Variants in PTPRM observed in about 807,000 individuals in gnomAD.
The protein encoded by PTPRM is protein tyrosine phosphatase receptor type M.
Under a neutral mutation model 186.7 loss-of-function variants are expected in PTPRM, and 47 were observed. The ratio of observed to expected loss-of-function variants is 0.25; its 90% confidence interval spans 0.20 to 0.32. The LOEUF (loss-of-function observed/expected upper bound fraction) is 0.32, where lower values mean the gene tolerates loss of function less well. Ranked by LOEUF, PTPRM falls within the 10% of genes least tolerant of loss-of-function variation. The pLI is 1.00. For synonymous variants in PTPRM, 668 were observed against 674.9 expected (o/e 0.99, Z 0.16); for missense variants, 1,494 against 1,865.0 (o/e 0.80, Z 3.66).
At chr18:8,211,057 G>A (rs976295908) in intron 14 of PTPRM, among the ~76,000 whole-genome samples, 1 of 152,206 alleles carries the variant, frequency 6.6e-6, no homozygotes, top group Non-Finnish European at 1.5e-5. Flanking sequence ...CATCGATTCA[G>A]ATAGGATCAA....
chr18:7,934,936 GTTGTTT>G (rs904607687), intron 5 of PTPRM, among the ~76,000 whole-genome samples: 1 of 152,126 alleles, frequency 6.6e-6, no homozygotes, highest in Non-Finnish European at 1.5e-5. Context: ...TACAATTAAA[GTTGTTT>G]TTGTATGTAT....
At chr18:8,301,175 G>A (rs2095153279) in intron 20 of PTPRM, among the ~76,000 whole-genome samples, 1 of 152,178 alleles carries the variant, frequency 6.6e-6, no homozygotes, top group African/African-American at 2.4e-5. Flanking sequence ...CAGAAGTGGT[G>A]TAATGATCAC....
chr18:8,026,856 T>C (rs2085603031), intron 7 of PTPRM, among the ~76,000 whole-genome samples: 1 of 150,294 alleles, frequency 6.7e-6, no homozygotes, highest in Admixed American at 6.6e-5. Flanking sequence ...AAACTCCATC[T>C]CAAAAAAAAA....
chr18:8,130,302 G>A (rs2092471487), intron 13 of PTPRM, among the ~76,000 whole-genome samples: 1 of 152,152 alleles, frequency 6.6e-6, no homozygotes, highest in Non-Finnish European at 1.5e-5. Flanking sequence ...ACTGTTGAGT[G>A]AGAGCCGTTG....
At chr18:7,631,369 C>A (rs536099583) in intron 1 of PTPRM, among the ~76,000 whole-genome samples, 18 of 151,808 alleles carry the variant, frequency 1.2e-4, no homozygotes, top group Admixed American at 7.9e-4. Flanking sequence ...TAGTGATTCT[C>A]AGTGTTGATA....
chr18:7,737,213 C>T (rs939658945), intron 1 of PTPRM, among the ~76,000 whole-genome samples: 14 of 151,890 alleles, frequency 9.2e-5, no homozygotes, highest in African/African-American at 2.4e-4. Flanking sequence ...CTGCAACCTC[C>T]GCCTCCCAAG....
intron 9 of PTPRM, among the ~76,000 whole-genome samples, chr18:8,077,925 A>G (rs2089916800): frequency 6.6e-6 from 1 of 152,196 alleles, no homozygotes. Flanking sequence ...AATAATTCAA[A>G]GGAAAAACCC....
At chr18:7,748,123 G>A (rs960651471) in intron 1 of PTPRM, among the ~76,000 whole-genome samples, 3 of 152,182 alleles carry the variant, frequency 2.0e-5, no homozygotes, top group African/African-American at 7.2e-5. Context: ...GGTGTGGCCA[G>A]GTGTGGGCTG....
At chr18:8,295,208 A>C (rs1334321948) in intron 19 of PTPRM, among the ~76,000 whole-genome samples, 3 of 152,180 alleles carry the variant, frequency 2.0e-5, no homozygotes, top group Non-Finnish European at 4.4e-5. Context: ...GGCGTCTGCG[A>C]GCAGTGTCTC....
At chr18:8,395,265 T>A (rs181838210) in intron 32 of PTPRM, among the ~76,000 whole-genome samples, 107 of 152,170 alleles carry the variant, frequency 7.0e-4, no homozygotes, top group Middle Eastern at 6.8e-3. Flanking sequence ...ACAGCAGGAC[T>A]AATCCAAGGT....
At chr18:7,869,335 G>A (rs555088734) in intron 2 of PTPRM, among the ~76,000 whole-genome samples, 11 of 152,132 alleles carry the variant, frequency 7.2e-5, no homozygotes, top group African/African-American at 1.9e-4. Context: ...CACAGGCACC[G>A]GGGGGAATCT....
At chr18:8,375,021 G>A (rs2095686245) in intron 24 of PTPRM, among the ~76,000 whole-genome samples, 1 of 152,208 alleles carries the variant, frequency 6.6e-6, no homozygotes, top group Non-Finnish European at 1.5e-5. Flanking sequence ...GATCCTAGAT[G>A]TACATCCAGC....
At chr18:7,960,570 G>A (rs1165169507) in intron 7 of PTPRM, among the ~76,000 whole-genome samples, 7 of 151,096 alleles carry the variant, frequency 4.6e-5, no homozygotes, top group Non-Finnish European at 1.0e-4. Context: ...GGGAAACATA[G>A]CAAGACTCCA....
chr18:8,038,200 T>A (rs2086459021), intron 7 of PTPRM, among the ~76,000 whole-genome samples: 1 of 152,130 alleles, frequency 6.6e-6, no homozygotes. Context: ...TCTTCAGATT[T>A]ACCCCTGAAA....
chr18:7,720,378 C>G (rs2040424013), intron 1 of PTPRM, among the ~76,000 whole-genome samples: 1 of 151,988 alleles, frequency 6.6e-6, no homozygotes, highest in Non-Finnish European at 1.5e-5. Flanking sequence ...GAAAAAAAAT[C>G]AGGACATAGA....
At chr18:8,235,520 C>T (rs1338853750) in intron 14 of PTPRM, among the ~76,000 whole-genome samples, 1 of 137,040 alleles carries the variant, frequency 7.3e-6, no homozygotes, top group African/African-American at 2.7e-5. Context: ...ATCTTTTCAA[C>T]CAGTTTTTAG....
At chr18:7,617,182 C>T (rs189831912) in intron 1 of PTPRM, among the ~76,000 whole-genome samples, 9 of 152,088 alleles carry the variant, frequency 5.9e-5, no homozygotes, top group South Asian at 2.1e-4. Context: ...GTGGAAGTGC[C>T]GAGATCATTA....
chr18:7,590,933 A>AATAG (rs2037109865), intron 1 of PTPRM, among the ~76,000 whole-genome samples: 1 of 152,194 alleles, frequency 6.6e-6, no homozygotes, highest in Non-Finnish European at 1.5e-5. Context: ...AGTTACTTAA[A>AATAG]ATAGCTATTA....
intron 20 of PTPRM, among the ~76,000 whole-genome samples, chr18:8,308,256 G>T (rs892690810): frequency 6.6e-6 from 1 of 152,206 alleles, no homozygotes; most frequent in Non-Finnish European, 1.5e-5. Context: ...GAGAAGCAAA[G>T]TAGAGAAATC....
Sources: allele counts gnomAD v4.1 joint callset (sites outside exome capture counted in the v4.1 genomes callset), GRCh38; gene constraint gnomAD v4.1.1; transcripts MANE v1.5; gene names NCBI Gene and HGNC (gene_info 2026-07-23, HGNC 2026-07-21).